The following DCLK2 variants were observed in gnomAD, a reference collection of about 807,000 sequenced individuals.
DCLK2 encodes the protein doublecortin like kinase 2.
In DCLK2, 31 loss-of-function variants were observed where a neutral mutation model predicts 78.4. The observed-to-expected ratio is 0.40, with a 90% confidence interval of 0.30 to 0.53. DCLK2 has a LOEUF of 0.53. Ranked by LOEUF, DCLK2 falls within the 20% of genes least tolerant of loss-of-function variation. DCLK2 has a pLI of 0.61. For synonymous variants in DCLK2, 407 were observed against 374.9 expected (o/e 1.09, Z -0.99); for missense variants, 872 against 973.7 (o/e 0.90, Z 1.39).
intron 2 of DCLK2, among the ~76,000 whole-genome samples, chr4:150,114,223 T>C (rs187106880): frequency 7.2e-5 from 11 of 152,306 alleles, no homozygotes; most frequent in Admixed American, 7.2e-4. Flanking sequence ...ATTCTGTAGT[T>C]ATTGAATAGA....
In DCLK2 at chr4:150,157,515, TTGTTTGTTTG is replaced by T. The variant is rs1735393696; in HGVS notation, c.757-35621_757-35612del. On this transcript the variant is annotated intron_variant, in intron 2 of 15. Transcript: ENST00000296550. The stretch of plus-strand genomic sequence containing the variant: ...TTTGTTTGTTTGTTTGTTTGTTTGT[TTGTTTGTTTG>T]TTTTTGAGCTGGAGTCTCTCTCTCT... Among the ~76,000 whole-genome samples, 3 of 149,040 alleles carry T rather than the reference TTGTTTGTTTG, an allele frequency of 2.0e-5. 1 individual carries two copies. The highest frequency in any genetic ancestry group is 4.5e-5 in the Non-Finnish European group (3 of 66,940).
chr4:150,250,631 G>C (rs1017699089), intron 15 of DCLK2, among the ~76,000 whole-genome samples: 4 of 151,700 alleles, frequency 2.6e-5, no homozygotes, highest in Admixed American at 1.3e-4. Context: ...TGGGCCCCCC[G>C]TGACCCCACT....
At position 150,144,581 on chromosome 4, in the gene DCLK2, C is replaced by G. The variant is rs578022756; in HGVS notation, c.756+41769C>G. ...GATTGGGGGGTTTTTGGGCTCCATA[C>G]GAGCTTTAGGATTGTTTTGTTTTGA... is the stretch of plus-strand genomic sequence containing the variant. On this transcript the variant is annotated intron_variant, in intron 2 of 15. Transcript: ENST00000296550. Among the ~76,000 whole-genome samples the G allele has an allele frequency of 4.6e-5, 7 of 152,032 alleles. No individual in the cohort carries two copies. In the East Asian group the frequency reaches 1.4e-3, roughly 29 times the overall value.
At chr4:150,220,934 G>C (rs1741140698) in intron 6 of DCLK2, among the ~76,000 whole-genome samples, 156 bp downstream of exon 6, 1 of 152,184 alleles carries the variant, frequency 6.6e-6, no homozygotes, top group African/African-American at 2.4e-5. Context: ...AGGCGGGGAT[G>C]GGGGTTACTT....
intron 2 of DCLK2, among the ~76,000 whole-genome samples, chr4:150,164,375 A>T (rs1051964266): frequency 1.4e-4 from 21 of 151,894 alleles, no homozygotes; most frequent in Non-Finnish European, 3.1e-4. Context: ...TTACCCCCCT[A>T]CCCCCATACC....
intron 2 of DCLK2, among the ~76,000 whole-genome samples, chr4:150,183,770 A>G (rs1171165614): frequency 2.8e-5 from 4 of 143,364 alleles, no homozygotes; most frequent in East Asian, 4.0e-4. Context: ...GTCTCACTCT[A>G]TTTCCCAGGC....
At chr4:150,140,648 T>G (rs1734049029) in intron 2 of DCLK2, among the ~76,000 whole-genome samples, 1 of 152,244 alleles carries the variant, frequency 6.6e-6, no homozygotes, top group Admixed American at 6.5e-5. Context: ...CTATGTTCTA[T>G]TTATTCTTCC....
At chr4:150,126,239 GC>G (rs1732912225) in intron 2 of DCLK2, among the ~76,000 whole-genome samples, 1 of 152,168 alleles carries the variant, frequency 6.6e-6, no homozygotes, top group South Asian at 2.1e-4. Flanking sequence ...AATTCATTCA[GC>G]TATTATTTTG....
chr4:150,131,542 A>G (rs534521580), intron 2 of DCLK2, among the ~76,000 whole-genome samples: 1 of 152,158 alleles, frequency 6.6e-6, no homozygotes, highest in Non-Finnish European at 1.5e-5. Flanking sequence ...TTTCTGGAGT[A>G]TGTGGAACCC....
At chr4:150,245,470 T>C (rs1427836690) in intron 12 of DCLK2, among the ~76,000 whole-genome samples, 1 of 152,206 alleles carries the variant, frequency 6.6e-6, no homozygotes, top group Non-Finnish European at 1.5e-5. Flanking sequence ...CTGCACTCAT[T>C]AACTCATCAT....
intron 5 of DCLK2, among the ~76,000 whole-genome samples, chr4:150,208,915 T>C (rs1740080004): frequency 6.6e-6 from 1 of 152,152 alleles, no homozygotes; most frequent in Non-Finnish European, 1.5e-5. Flanking sequence ...AGATTGGAAT[T>C]AGCATATCCA....
chr4:150,234,883 C>A (rs1244680107), intron 10 of DCLK2, among the ~76,000 whole-genome samples: 5 of 152,166 alleles, frequency 3.3e-5, no homozygotes. Context: ...AGGCTTCTCG[C>A]CCATTGGGAC....
rs1196862052 is a variant in DCLK2, at chr4:150,085,736, A to G, written c.421+6288A>G. 2.0e-5 allele frequency among the ~76,000 whole-genome samples: 3 copies of G among 152,186 alleles called. 1 individual carries two copies. The highest frequency in any genetic ancestry group is 3.8e-4 in the East Asian group (2 of 5,202). On this transcript the variant is annotated intron_variant, in intron 1 of 15. Coordinates refer to ENST00000296550, the MANE Select transcript of DCLK2 (RefSeq NM_001040260.4). ...TGTGAGGATGCAGTGAGAAGTCACC[A>G]TGAGTGAACCAAGAGCCCTCACTAC...
intron 2 of DCLK2, among the ~76,000 whole-genome samples, chr4:150,132,870 C>G (rs1001937126): frequency 6.6e-6 from 1 of 152,184 alleles, no homozygotes. Context: ...TCAAACTGTC[C>G]TCCCACCACA....
At chr4:150,166,278 G>A (rs7680670) in intron 2 of DCLK2, among the ~76,000 whole-genome samples, 13 of 151,794 alleles carry the variant, frequency 8.6e-5, no homozygotes, top group East Asian at 1.9e-4. Context: ...TTACCTGAGC[G>A]CAGGAGTTCA....
intron 2 of DCLK2, among the ~76,000 whole-genome samples, chr4:150,160,402 A>G (rs775876490): frequency 3.3e-5 from 5 of 152,126 alleles, no homozygotes; most frequent in Non-Finnish European, 7.3e-5. Context: ...AGCTTTTAGG[A>G]TTTAATTTAC....
intron 7 of DCLK2, among the ~76,000 whole-genome samples, chr4:150,223,773 A>C (rs1017215579): frequency 6.6e-5 from 10 of 151,862 alleles, no homozygotes; most frequent in African/African-American, 2.4e-4. Context: ...AAATAAATAA[A>C]TAACATCAAG....
chr4:150,254,218 C>G (rs930688824), intron 15 of DCLK2, among the ~76,000 whole-genome samples: 2 of 152,210 alleles, frequency 1.3e-5, no homozygotes, highest in African/African-American at 4.8e-5. Context: ...TGAGAAGGGA[C>G]GGATTCAAGG....
intron 13 of DCLK2, 67 bp downstream of exon 13, chr4:150,247,766 G>A (rs991664445): frequency 2.0e-5 from 26 of 1,275,988 alleles, no homozygotes; most frequent in East Asian, 2.3e-5. Context: ...GCACAGGGCT[G>A]TAGCTGCGCT....
Sources: gnomAD v4.1 joint callset for allele counts (sites outside exome capture counted in the v4.1 genomes callset) on GRCh38, gnomAD v4.1.1 for gene constraint, MANE v1.5 for transcripts, NCBI Gene and HGNC (gene_info 2026-07-23, HGNC 2026-07-21) for gene names.